MTMR12: variants seen among roughly 807,000 people sequenced by gnomAD.
The protein encoded by MTMR12 is myotubularin related protein 12, also known as myotubularin-related protein 12.
MTMR12 carries 33 observed loss-of-function variants against 96.7 expected under a neutral mutation model. The observed-to-expected ratio is 0.34, with a 90% CI of 0.26 to 0.46. The LOEUF is 0.46. MTMR12 is among the 20% of genes least tolerant of loss of function. The pLI, the probability that MTMR12 is intolerant of heterozygous loss-of-function variation, is 1.00. For synonymous variants in MTMR12, 298 were observed against 327.2 expected, an observed-to-expected ratio of 0.91 and a Z score of 0.96; for missense variants, 721 against 896.1, an observed-to-expected ratio of 0.80 and a Z score of 2.49.
rs201149773 is a variant in MTMR12, at chr5:32,242,094, T to A, written c.1134A>T (p.Glu378Asp). The change falls in exon 12 of 16, where the codon GAA becomes GAT. Residue 378 changes from glutamate to aspartate, a missense_variant. By Grantham distance (45) the Glu-to-Asp change is conservative (BLOSUM62 2). Coordinates refer to ENST00000382142, the MANE Select transcript of MTMR12 (RefSeq NM_001040446.3). ...CATTCATGTTTTGTGCTTCCATACA[T>A]TCTGTAATCTCTATTGCTTTTTTCA... ...RCLKKAIEIT[E>D]CMEAQNMNVL... is the part of the protein sequence containing the mutation. 736 of 1,613,112 alleles carry A rather than the reference T, an allele frequency of 4.6e-4. 1 individual carries two copies. The highest frequency in any genetic ancestry group is 2.6e-3 in the Middle Eastern group (16 of 6,056).
intron 5 of MTMR12, 93 bp downstream of exon 5, chr5:32,270,724 T>A: frequency 7.3e-7 from 1 of 1,373,670 alleles, no homozygotes. Flanking sequence ...AGTGAAAGCC[T>A]CCCCTCAACC....
chr5:32,232,734 G>A (rs985219255), intron 15 of MTMR12, among the ~76,000 whole-genome samples: 2 of 152,254 alleles, frequency 1.3e-5, no homozygotes, highest in Non-Finnish European at 2.9e-5. Context: ...GCCAGAAAGG[G>A]GAAACTCCAC....
intron 13 of MTMR12, among the ~76,000 whole-genome samples, chr5:32,236,401 G>T (rs1023658248): frequency 6.6e-6 from 1 of 152,132 alleles, no homozygotes; most frequent in Admixed American, 6.5e-5. Flanking sequence ...ACAAAAATTA[G>T]CTAGGCATGG....
intron 1 of MTMR12, among the ~76,000 whole-genome samples, chr5:32,297,058 G>T (rs6872991): frequency 2.8e-5 from 4 of 145,370 alleles, no homozygotes; most frequent in Non-Finnish European, 6.0e-5. Flanking sequence ...AGCCGAGATC[G>T]CGCCACTGCA....
At chr5:32,230,368 A>G (rs750783864) in intron 15 of MTMR12, 21 bp from the exon 16 acceptor site, 11 of 1,574,566 alleles carry the variant, frequency 7.0e-6, no homozygotes, top group Non-Finnish European at 9.5e-6. Context: ...AAACACAAAT[A>G]AAAATCACTG....
chr5:32,234,160 G>A lies in MTMR12; in HGVS notation c.1513-226C>T, dbSNP rs573248014. ...CTTTCCAGCAGTCTACACGCCAGCCGCTGTGCTGGGTGCTTCCACAGCCTC... is the reference window on the plus strand; with the variant it reads ...CTTTCCAGCAGTCTACACGCCAGCCACTGTGCTGGGTGCTTCCACAGCCTC... On this transcript the variant is annotated intron_variant, in intron 14 of 15. Coordinates refer to ENST00000382142, the MANE Select transcript of MTMR12 (RefSeq NM_001040446.3). Among the ~76,000 whole-genome samples the A allele has an allele frequency of 1.2e-3, 188 of 152,268 alleles. 1 individual carries two copies. The highest frequency in any genetic ancestry group is 2.0e-3 in the Non-Finnish European group (135 of 68,026).
intron 1 of MTMR12, among the ~76,000 whole-genome samples, chr5:32,297,065 TGC>T (rs1437993109): frequency 2.7e-5 from 4 of 148,446 alleles, no homozygotes; most frequent in Non-Finnish European, 4.4e-5. Flanking sequence ...ATCGCGCCAC[TGC>T]ACTCCAGCCT....
At chr5:32,260,457 T>C (rs1749321464) in intron 7 of MTMR12, among the ~76,000 whole-genome samples, 1 of 151,814 alleles carries the variant, frequency 6.6e-6, no homozygotes, top group Non-Finnish European at 1.5e-5. Flanking sequence ...CCTATGCAAA[T>C]GCCAACTGAT....
chr5:32,312,927 C>T lies in MTMR12; in HGVS notation c.-89G>A. The T allele has an allele frequency of 4.8e-6, 6 of 1,242,104 alleles. No homozygotes were observed. Among genetic ancestry groups the T allele is most frequent in the South Asian group, 3.2e-5 (2 of 62,156 alleles). The allele number at this position is 1,242,104 out of a possible 1,614,324, so 76.9% of individuals were successfully genotyped here. ...CAGCAGCGGCGGCCACCAGCACTAGCGGCTGGGGCTCCGCCCATCCCCAAG... is the reference window on the plus strand; with the variant it reads ...CAGCAGCGGCGGCCACCAGCACTAGTGGCTGGGGCTCCGCCCATCCCCAAG... On this transcript the variant is annotated 5_prime_UTR_variant, in exon 1 of 16. Coordinates refer to ENST00000382142, the MANE Select transcript of MTMR12 (RefSeq NM_001040446.3). This position sits in a 1 kb window ranked among gnomAD's most constrained non-coding sequence, Gnocchi z 5.0.
chr5:32,232,059 T>C lies in MTMR12; in HGVS notation c.1675-1712A>G, dbSNP rs138932570. ...GGTCCTGGAAGCCCCCTTCTCTCTA[T>C]CTCCTAAGCAAAGGGAGCACTCAAG... On this transcript the variant is annotated intron_variant, in intron 15 of 15. Transcript: ENST00000382142. Among the ~76,000 whole-genome samples the C allele has an allele frequency of 8.0e-3, 1,223 of 152,252 alleles. 18 individuals are homozygous for C. Among genetic ancestry groups the C allele is most frequent in the African/African-American group, 0.027 (1,122 of 41,550 alleles).
At position 32,233,135 on chromosome 5, in the gene MTMR12, G is replaced by A. The variant is rs935923764; in HGVS notation, c.1674+638C>T. The A allele has an allele frequency of 2.8e-5, 11 of 399,882 alleles. No individual in the cohort carries two copies. The highest frequency in any genetic ancestry group is 3.4e-5 in the Non-Finnish European group (10 of 295,172). 24.8% of individuals were successfully genotyped at this position (399,882 alleles called of 1,614,324 possible). On this transcript the variant is annotated intron_variant, in intron 15 of 15. Coordinates refer to ENST00000382142, the MANE Select transcript of MTMR12 (RefSeq NM_001040446.3). The surrounding 1 kb of genome is among the most constrained non-coding windows in gnomAD (Gnocchi z 5.0). ...AGGTCAGCAAACTGGCCACCCCTCC[G>A]GCCAAATCTGGCCTGGCGCCTGTTC...
chr5:32,299,140 T>C (rs1751037722), intron 1 of MTMR12, among the ~76,000 whole-genome samples: 1 of 151,932 alleles, frequency 6.6e-6, no homozygotes, highest in South Asian at 2.1e-4. Flanking sequence ...TAATAGCAAC[T>C]AAATAACATT....
chr5:32,270,771 A>G lies in MTMR12; in HGVS notation c.489+46T>C, dbSNP rs202132324. 2.4e-5 allele frequency: 37 copies of G among 1,559,138 alleles called. 1 individual carries two copies. Among genetic ancestry groups the G allele is most frequent in the Middle Eastern group, 3.4e-4 (2 of 5,810 alleles). On this transcript the variant is annotated intron_variant, in intron 5 of 15. Coordinates refer to ENST00000382142, the MANE Select transcript of MTMR12 (RefSeq NM_001040446.3). ...TAAGCAAAAACTAGAGCTAGTGGGG[A>G]AAACCTGATGGGAAATAAAACCTAA...
At chr5:32,243,704 A>G in intron 10 of MTMR12, 105 bp from the exon 11 acceptor site, 4 of 674,212 alleles carry the variant, frequency 5.9e-6, no homozygotes, top group Non-Finnish European at 1.0e-5. Context: ...AACAGTCCTG[A>G]CTCAAACTGC....
chr5:32,244,365 G>A (rs147932386), intron 10 of MTMR12, among the ~76,000 whole-genome samples: 2,935 of 152,038 alleles, frequency 0.019, 52 homozygotes, highest in Middle Eastern at 0.028. Flanking sequence ...GGAGGTGGGC[G>A]CGTCACCTGA....
In MTMR12 at chr5:32,228,015, A is replaced by C. The variant is rs1156527272; in HGVS notation, c.*1763T>G. On this transcript the variant is annotated 3_prime_UTR_variant, in exon 16 of 16. Coordinates refer to ENST00000382142, the MANE Select transcript of MTMR12 (RefSeq NM_001040446.3). ...TTAGTCAATAGTTTCCAATTTTCTGAGACGAGGTCTTGCTCCATCACCCAG... is the reference window on the plus strand; with the variant it reads ...TTAGTCAATAGTTTCCAATTTTCTGCGACGAGGTCTTGCTCCATCACCCAG... The C allele has an allele frequency of 2.0e-5, 3 of 152,448 alleles. No individual in the cohort carries two copies. The highest frequency in any genetic ancestry group is 7.2e-5 in the African/African-American group (3 of 41,450). The allele number at this position is 152,448 out of a possible 1,614,324, so 9.4% of individuals were successfully genotyped here.
intron 1 of MTMR12, among the ~76,000 whole-genome samples, chr5:32,283,105 T>C (rs1038141803): frequency 6.6e-6 from 1 of 152,190 alleles, no homozygotes; most frequent in African/African-American, 2.4e-5. Context: ...CTCCTAACCA[T>C]GCTGTATTCT....
At chr5:32,269,185 C>T (rs1429682230) in intron 5 of MTMR12, among the ~76,000 whole-genome samples, 1 of 151,970 alleles carries the variant, frequency 6.6e-6, no homozygotes, top group Non-Finnish European at 1.5e-5. Context: ...CATCATCACG[C>T]CTGACTAATC....
chr5:32,274,426 T>C (rs1223582222), intron 2 of MTMR12, among the ~76,000 whole-genome samples: 1 of 152,146 alleles, frequency 6.6e-6, no homozygotes, highest in South Asian at 2.1e-4. Context: ...TGAGCTGCAC[T>C]TTCACGCAGA....
Sources: gnomAD v4.1 joint callset for allele counts (sites outside exome capture counted in the v4.1 genomes callset) on GRCh38, gnomAD v4.1.1 for gene constraint, Gnocchi (gnomAD v3.1) non-coding constraint, MANE v1.5 for transcripts, NCBI Gene and HGNC (gene_info 2026-07-23, HGNC 2026-07-21) for gene names.